Variants in CACNA1I observed in about 807,000 individuals in gnomAD.
CACNA1I encodes the protein voltage-dependent T-type calcium channel subunit alpha-1I.
In CACNA1I, 74 loss-of-function variants were observed where a neutral mutation model predicts 201.6. The ratio of observed to expected loss-of-function variants is 0.37; its 90% CI spans 0.30 to 0.45. CACNA1I has a LOEUF of 0.45. Among genes scored for constraint, CACNA1I ranks in the 20% least tolerant of loss-of-function variants. The probability of loss-of-function intolerance (pLI) is 1.00; values close to 1 mark genes in which losing one functional copy is unlikely to be tolerated. For missense variants in CACNA1I, 2,346 were observed against 3,138.1 expected, an observed-to-expected ratio of 0.75 and a Z score of 6.03; for synonymous variants, 1,431 against 1,345.2, an observed-to-expected ratio of 1.06 and a Z score of -1.40.
At chr22:39,619,867 C>T (rs1451865163) in intron 4 of CACNA1I, among the ~76,000 whole-genome samples, 1 of 152,108 alleles carries the variant, frequency 6.6e-6, no homozygotes, top group Non-Finnish European at 1.5e-5. Flanking sequence ...CACCACAGAT[C>T]GATGTACCTA....
chr22:39,613,748 C>T (rs188604405), intron 3 of CACNA1I, among the ~76,000 whole-genome samples: 31 of 152,348 alleles, frequency 2.0e-4, no homozygotes, highest in Non-Finnish European at 2.5e-4. Context: ...TGGCCTGCTC[C>T]GGCCTTGCCG....
At chr22:39,607,391 T>C (rs1178430644) in intron 3 of CACNA1I, among the ~76,000 whole-genome samples, 7 of 152,218 alleles carry the variant, frequency 4.6e-5, no homozygotes, top group African/African-American at 1.7e-4. Flanking sequence ...TTTCTGGCCT[T>C]AGCTCAGGGA....
rs1935785487 is a variant in CACNA1I at position 39,684,177 on chromosome 22, A to C, written c.5831-125A>C. The C allele has an allele frequency of 1.4e-6, 1 of 730,184 alleles. No individual in the cohort carries two copies. Among genetic ancestry groups the C allele is most frequent in the African/African-American group, 1.7e-5 (1 of 57,202 alleles). 45.2% of individuals were successfully genotyped at this position (730,184 alleles called of 1,614,324 possible). A position where few individuals can be genotyped will look rare whatever the true frequency, so the allele number is the denominator to read the frequency against. On this transcript the variant is annotated intron_variant, in intron 35 of 36. Coordinates refer to ENST00000402142, the MANE Select transcript of CACNA1I (RefSeq NM_021096.4). The surrounding 1 kb of genome is among the most constrained non-coding windows in gnomAD (Gnocchi z 4.6). ...AGAGGGGGGACTTGTCCACAGTCTC[A>C]CAGTCAGTTTATTAGGTGGCCCCTC... is the stretch of plus-strand genomic sequence containing the variant.
chr22:39,638,196 TC>T (rs1934266109), intron 5 of CACNA1I, among the ~76,000 whole-genome samples: 1 of 152,216 alleles, frequency 6.6e-6, no homozygotes, highest in African/African-American at 2.4e-5. Context: ...CACCTCGGCC[TC>T]CCAAAGTGCT....
At position 39,676,651 on chromosome 22, in the gene CACNA1I, G is replaced by A. The variant is rs915305788; in HGVS notation, c.4855-690G>A. Among the ~76,000 whole-genome samples the A allele has an allele frequency of 7.2e-5, 11 of 152,166 alleles. No homozygotes were observed. Among genetic ancestry groups the A allele is most frequent in the African/African-American group, 1.4e-4 (6 of 41,444 alleles). ...GTTTGCAGAGGCTTCTGGGGCCCAC[G>A]GGCCTGCGTGATTCCTGCCTTCCCT... On this transcript the variant is annotated intron_variant, in intron 29 of 36. Coordinates refer to ENST00000402142, the MANE Select transcript of CACNA1I (RefSeq NM_021096.4). This position sits in a 1 kb window ranked among gnomAD's most constrained non-coding sequence, Gnocchi z 4.8.
Position 39,648,556 on chromosome 22 carries a change from C to G in CACNA1I, c.1567+630C>G, listed in dbSNP as rs990226470. ...TGAGATGGGACTGACCCCTGGGTTC[C>G]TGGCTGCCCGCCCTGACTCCAGAGG... On this transcript the variant is annotated intron_variant, in intron 9 of 36. Coordinates refer to ENST00000402142, the MANE Select transcript of CACNA1I (RefSeq NM_021096.4). The surrounding 1 kb of genome is among the most constrained non-coding windows in gnomAD (Gnocchi z 5.4). Among the ~76,000 whole-genome samples the G allele has an allele frequency of 1.3e-5, 2 of 152,130 alleles. No homozygotes were observed. Among genetic ancestry groups the G allele is most frequent in the African/African-American group, 4.8e-5 (2 of 41,432 alleles).
intron 1 of CACNA1I, among the ~76,000 whole-genome samples, chr22:39,590,704 G>C (rs985701009): frequency 2.0e-5 from 3 of 152,214 alleles, no homozygotes; most frequent in Non-Finnish European, 4.4e-5. Context: ...CCATGGGAGT[G>C]ACCCTGGAAC....
Position 39,663,793 on chromosome 22 carries a change from C to G in CACNA1I, c.3549C>G (p.Asn1183Lys). 1 of 1,589,188 alleles carries G rather than the reference C, an allele frequency of 6.3e-7. No homozygotes were observed. Among genetic ancestry groups the G allele is most frequent in the Non-Finnish European group, 8.6e-7 (1 of 1,164,474 alleles). Residue 1183 changes from asparagine to lysine, a missense_variant, in exon 19 of 37, where the codon AAC (asparagine) becomes AAG (lysine). Coordinates refer to ENST00000402142, the MANE Select transcript of CACNA1I (RefSeq NM_021096.4). ...TCGTCCTGGCCTTCATCTTTCTCAA[C>G]TGCATCACCATCGCCCTGGAGCGGC... ...DYVVLAFIFL[N>K]CITIALERPQ...
chr22:39,685,629 G>T lies in CACNA1I; in HGVS notation c.6028-132G>T, dbSNP rs920835578. 2.7e-6 allele frequency: 2 copies of T among 740,310 alleles called. No homozygotes were observed. Among genetic ancestry groups the T allele is most frequent in the Non-Finnish European group, 2.0e-6 (1 of 501,666 alleles). 45.9% of individuals were successfully genotyped at this position (740,310 alleles called of 1,614,324 possible). A position where few individuals can be genotyped will look rare whatever the true frequency, so the allele number is the denominator to read the frequency against. On this transcript the variant is annotated intron_variant, in intron 36 of 36. Transcript: ENST00000402142. This position sits in a 1 kb window ranked among gnomAD's most constrained non-coding sequence, Gnocchi z 5.0. ...CCGCCTAAGCTGGACGTGCGGAGGG[G>T]AGAAGCCCTGCTCCGAAGGGAGCTC...
chr22:39,636,797 T>C (rs189015651), intron 5 of CACNA1I, among the ~76,000 whole-genome samples: 62 of 152,286 alleles, frequency 4.1e-4, no homozygotes, highest in African/African-American at 1.4e-3. Flanking sequence ...TTTCGGGCTC[T>C]CCCCAGCCGG....
intron 3 of CACNA1I, among the ~76,000 whole-genome samples, chr22:39,600,904 C>T (rs957814052): frequency 6.6e-6 from 1 of 152,154 alleles, no homozygotes; most frequent in Non-Finnish European, 1.5e-5. Context: ...CTTGAGAGAG[C>T]CACTGACGCT....
In CACNA1I at chr22:39,677,975, C is replaced by T. The variant is rs763244875; in HGVS notation, c.4934-12C>T. On this transcript the variant is annotated splice_polypyrimidine_tract_variant and intron_variant, in intron 30 of 36. Coordinates refer to ENST00000402142, the MANE Select transcript of CACNA1I (RefSeq NM_021096.4). The surrounding 1 kb of genome is among the most constrained non-coding windows in gnomAD (Gnocchi z 4.8). ...CGCCATCGGGCAGGGCTGACCTCCT[C>T]CCCGCTTCCAGTCTGCAACGACGAG... 1.3e-6 allele frequency: 2 copies of T among 1,579,028 alleles called. No homozygotes were observed. The highest frequency in any genetic ancestry group is 1.8e-5 in the Admixed American group (1 of 55,324).
At position 39,634,559 on chromosome 22, in the gene CACNA1I, T is replaced by C; in HGVS notation, c.581-6T>C. 1.2e-6 allele frequency: 2 copies of C among 1,613,682 alleles called. No homozygotes were observed. The highest frequency in any genetic ancestry group is 1.7e-6 in the Non-Finnish European group (2 of 1,179,764). ...CTGACCATCCCTCCACCTTTTCCCC[T>C]CCCAGGTATGCGGATCCTGGTGAAC... is the stretch of plus-strand genomic sequence containing the variant. On this transcript the variant is annotated splice_polypyrimidine_tract_variant and splice_region_variant and intron_variant, in intron 4 of 36. Coordinates refer to ENST00000402142, the MANE Select transcript of CACNA1I (RefSeq NM_021096.4).
At position 39,686,349 on chromosome 22, in the gene CACNA1I, CA is replaced by C; in HGVS notation, c.6618del (p.Gln2206HisfsTer66). The stretch of plus-strand genomic sequence containing the variant: ...CCTGGGCCCCTTGGCGCCCCCGCCG[CA>C]ACCGCTCCCCGGAGAGCTGGAGCCG... ...MGLGPLAPPP[Q>X]PLPGELEPGD... On this transcript the variant is annotated frameshift_variant, in exon 37 of 37. Coordinates refer to ENST00000402142, the MANE Select transcript of CACNA1I (RefSeq NM_021096.4). LOFTEE classifies it high-confidence loss of function. 1 of 1,316,738 alleles carries C rather than the reference CA, an allele frequency of 7.6e-7. No homozygotes were observed. Among genetic ancestry groups the C allele is most frequent in the Non-Finnish European group, 9.7e-7 (1 of 1,031,212 alleles). 81.6% of individuals were successfully genotyped at this position (1,316,738 alleles called of 1,614,324 possible).
At chr22:39,643,707 A>G (rs1336099471) in intron 7 of CACNA1I, among the ~76,000 whole-genome samples, 3 of 152,168 alleles carry the variant, frequency 2.0e-5, no homozygotes, top group Non-Finnish European at 4.4e-5. Context: ...GTGACCTGAG[A>G]CACCTGCTGT....
rs772311831 is a variant in CACNA1I at position 39,661,986 on chromosome 22, T to C, written c.2923T>C (p.Tyr975His). 3 of 1,554,460 alleles carry C rather than the reference T, an allele frequency of 1.9e-6. No homozygotes were observed. The African/African-American group carries it at 4.2e-5, about 22-fold the overall frequency. ...RSLSSSRSSY[Y>H]GPWGRSAAWA... is the part of the protein sequence containing the mutation. ...CCAGTCCAGCTCCCGGAGCTCCTAC[T>C]ACGGGCCATGGGGCCGCAGCGCGGC... Residue 975 changes from tyrosine (Y) to histidine (H), a missense_variant, in exon 17 of 37, where the codon TAC becomes CAC. Physicochemically the swap from Tyr to His is moderately conservative, Grantham distance 83 (BLOSUM62 2). Coordinates refer to ENST00000402142, the MANE Select transcript of CACNA1I (RefSeq NM_021096.4).
intron 4 of CACNA1I, among the ~76,000 whole-genome samples, chr22:39,628,802 A>G (rs1182359838): frequency 6.6e-6 from 1 of 152,100 alleles, no homozygotes; most frequent in East Asian, 1.9e-4. Flanking sequence ...AGTGGCCCCC[A>G]GTGGCCAGGC....
At chr22:39,624,876 T>C (rs1439181690) in intron 4 of CACNA1I, among the ~76,000 whole-genome samples, 2 of 151,748 alleles carry the variant, frequency 1.3e-5, no homozygotes, top group African/African-American at 4.8e-5. Flanking sequence ...CTCCTACTTA[T>C]GGTTTGAGCT....
At position 39,684,247 on chromosome 22, in the gene CACNA1I, G is replaced by C; in HGVS notation, c.5831-55G>C. ...TGGTGCTCAATGCCACCTTCCAGGG[G>C]CTGCCCCCTGGCCTGAGCGTGCTCC... On this transcript the variant is annotated intron_variant, in intron 35 of 36. Transcript: ENST00000402142. The surrounding 1 kb of genome is among the most constrained non-coding windows in gnomAD (Gnocchi z 4.6). 1 of 1,527,492 alleles carries C rather than the reference G, an allele frequency of 6.5e-7. No individual in the cohort carries two copies. Among genetic ancestry groups the C allele is most frequent in the Non-Finnish European group, 9.0e-7 (1 of 1,111,910 alleles). The allele number at this position is 1,527,492 out of a possible 1,614,324, so 94.6% of individuals were successfully genotyped here. A position where few individuals can be genotyped will look rare whatever the true frequency, so the allele number is the denominator to read the frequency against.
Sources: gnomAD v4.1 joint callset for allele counts (sites outside exome capture counted in the v4.1 genomes callset) on GRCh38, gnomAD v4.1.1 for gene constraint, Gnocchi (gnomAD v3.1) non-coding constraint, MANE v1.5 for transcripts, NCBI Gene and HGNC (gene_info 2026-07-23, HGNC 2026-07-21) for gene names.